Variants in ZNF534 observed in about 807,000 individuals in gnomAD.
The protein encoded by ZNF534 is zinc finger protein 534.
Under a neutral mutation model 13.6 loss-of-function variants are expected in ZNF534, and 19 were observed. That is an observed-to-expected ratio of 1.40 (90% confidence interval 0.97 to 2.05). The LOEUF (loss-of-function observed/expected upper bound fraction) is 2.05. Ranked by LOEUF, ZNF534 falls within the 30% of genes most tolerant of loss-of-function variation. The pLI is 0.00. For synonymous variants in ZNF534, 244 were observed against 273.8 expected, an observed-to-expected ratio of 0.89 and a Z score of 1.07; for missense variants, 782 against 796.3, an observed-to-expected ratio of 0.98 and a Z score of 0.22.
At position 52,437,833 on chromosome 19, in the gene ZNF534, G is replaced by T; in HGVS notation, c.373G>T (p.Ala125Ser). ...LHLTEWQPFQAVRNIYGCKHV... is the reference protein window; with the variant it reads ...LHLTEWQPFQSVRNIYGCKHV... ...TCTGACTGAATGGCAGCCATTTCAA[G>T]CTGTAAGGAATATTTATGGATGTAA... The change falls in exon 5 of 5, where the codon GCT (alanine) becomes TCT (serine). Residue 125 changes from alanine (A) to serine (S), a missense_variant. Physicochemically the swap from Ala to Ser is moderately conservative, Grantham distance 99 (BLOSUM62 1). Transcript: ENST00000433050. The T allele has an allele frequency of 1.2e-6, 2 of 1,613,704 alleles. No individual in the cohort carries two copies. The highest frequency in any genetic ancestry group is 2.2e-5 in the East Asian group (1 of 44,856).
At chr19:52,431,053 A>T (rs1271792025) in intron 1 of ZNF534, among the ~76,000 whole-genome samples, 1 of 151,886 alleles carries the variant, frequency 6.6e-6, no homozygotes, top group African/African-American at 2.4e-5. Flanking sequence ...GGGTTTCATT[A>T]TGTTGGCCAG....
chr19:52,439,542 G>C lies in ZNF534; in HGVS notation c.*96G>C, dbSNP rs944945054. 7.1e-6 allele frequency: 8 copies of C among 1,129,090 alleles called. No homozygotes were observed. The highest frequency in any genetic ancestry group is 8.6e-6 in the Non-Finnish European group (7 of 818,020). 69.9% of individuals were successfully genotyped at this position (1,129,090 alleles called of 1,614,324 possible). A position where few individuals can be genotyped will look rare whatever the true frequency, so the allele number is the denominator to read the frequency against. On this transcript the variant is annotated 3_prime_UTR_variant, in exon 5 of 5. Coordinates refer to ENST00000433050, the MANE Select transcript of ZNF534 (RefSeq NM_001143938.3). ...GTGGATCATGAGGTCAGGAGATTGA[G>C]ACCATCCTGGCTAACACGGTGAAAC...
Position 52,438,544 on chromosome 19 carries a change from G to A in ZNF534, c.1084G>A (p.Gly362Arg), listed in dbSNP as rs1265418214. Residue 362 changes from glycine to arginine, a missense_variant, in exon 5 of 5, where the codon GGG becomes AGG. Around this residue, in one of 5 missense-constraint regions of ZNF534, gnomAD observed 591 missense variants for 574.0 expected, o/e 1.03. Transcript: ENST00000433050. ...ATACAAATGTAATGAATGTGGCAAGGGGTTTAGTCGAATTGCATTCCTTGC... is the reference window on the plus strand; with the variant it reads ...ATACAAATGTAATGAATGTGGCAAGAGGTTTAGTCGAATTGCATTCCTTGC... ...RPYKCNECGK[G>R]FSRIAFLARH... 1.3e-6 allele frequency: 2 copies of A among 1,581,098 alleles called. No homozygotes were observed. The highest frequency in any genetic ancestry group is 1.9e-5 in the Admixed American group (1 of 53,944).
At chr19:52,435,325 C>T in intron 4 of ZNF534, 116 bp downstream of exon 4, 1 of 1,212,066 alleles carries the variant, frequency 8.3e-7, no homozygotes, top group Non-Finnish European at 1.1e-6. Context: ...CAGCCTTAAA[C>T]TCCTGGACTT....
downstream of ZNF534, among the ~76,000 whole-genome samples, chr19:52,442,608 A>G (rs77512583): frequency 6.6e-6 from 1 of 152,210 alleles, no homozygotes; most frequent in Admixed American, 6.5e-5. Context: ...TAGGGTCCCC[A>G]TGACTGAGCT....
intron 4 of ZNF534, among the ~76,000 whole-genome samples, chr19:52,450,672 T>TTTTTTTTTG (rs2059210266): frequency 5.5e-5 from 1 of 18,246 alleles, no homozygotes; most frequent in Non-Finnish European, 1.3e-4. Flanking sequence ...TTTTAGGAGT[T>TTTTTTTTTG]TTTTTTTTTT....
At position 52,440,208 on chromosome 19, in the gene ZNF534, G is replaced by T. The variant is rs1185759367; in HGVS notation, c.*762G>T. Among the ~76,000 whole-genome samples the T allele has an allele frequency of 2.6e-5, 4 of 152,128 alleles. No homozygotes were observed. The highest frequency in any genetic ancestry group is 4.4e-5 in the Non-Finnish European group (3 of 68,036). ...ATAGAAATATAAAGAATACAAGAAG[G>T]TCTTCAGGCACATGTTTTCCCTAAC... On this transcript the variant is annotated 3_prime_UTR_variant, in exon 5 of 5. Coordinates refer to ENST00000433050, the MANE Select transcript of ZNF534 (RefSeq NM_001143938.3).
rs1286134073 is a variant in ZNF534 at position 52,435,085 on chromosome 19, C to T, written c.147C>T (p.Ile49=). 1 of 1,611,532 alleles carries T rather than the reference C, an allele frequency of 6.2e-7. No individual in the cohort carries two copies. The highest frequency in any genetic ancestry group is 2.2e-5 in the East Asian group (1 of 44,852). ...ENYRNLVSLG[I]CLPDLSVTSM... ...ATTCTTTCTTTTTGTAAGTAGGAAT[C>T]TGTCTTCCTGACCTGAGTGTTACCT... Residue 49 remains isoleucine, a synonymous_variant, in exon 4 of 5, where the codon ATC becomes ATT. Transcript: ENST00000433050.
chr19:52,451,723 T>C, exon 5 of ZNF534: 1 of 682,846 alleles, frequency 1.5e-6, no homozygotes, highest in East Asian at 2.6e-5. Flanking sequence ...TGCAAAACAC[T>C]TTGTTGATGT....
chr19:52,439,417 T>G lies in ZNF534; in HGVS notation c.1957T>G (p.Cys653Gly), dbSNP rs772965056. Residue 653 changes from cysteine to glycine, a missense_variant, in exon 5 of 5, where the codon TGC (cysteine) becomes GGC (glycine). This residue lies in a region of ZNF534 where 60 missense variants were observed against 59.9 expected (regional missense o/e 1.00). Coordinates refer to ENST00000433050, the MANE Select transcript of ZNF534 (RefSeq NM_001143938.3). ...TAAAAATTCCATCCTAGTACAACAT[T>G]GCAGTATTCATACCAGAGAGAAGCC... is the stretch of plus-strand genomic sequence containing the variant. ...FSKNSILVQH[C>G]SIHTREKP The G allele has an allele frequency of 2.7e-4, 412 of 1,541,404 alleles. No individual in the cohort carries two copies. Among genetic ancestry groups the G allele is most frequent in the Non-Finnish European group, 3.3e-4 (380 of 1,141,472 alleles).
intron 4 of ZNF534, chr19:52,451,112 A>G (rs2059212956): frequency 3.4e-6 from 2 of 586,398 alleles, no homozygotes; most frequent in East Asian, 5.7e-5. Flanking sequence ...TCCCACCCAT[A>G]AAGATGGGTA....
chr19:52,448,989 ACTT>A (rs1175706811), intron 4 of ZNF534, among the ~76,000 whole-genome samples: 13 of 152,156 alleles, frequency 8.5e-5, no homozygotes, highest in African/African-American at 3.1e-4. Context: ...CCATTAACCT[ACTT>A]CTTTTCATGC....
At chr19:52,437,446 G>A (rs1044033960) in intron 4 of ZNF534, among the ~76,000 whole-genome samples, 4 of 152,010 alleles carry the variant, frequency 2.6e-5, no homozygotes, top group Admixed American at 6.6e-5. Flanking sequence ...GTGAAACCCC[G>A]TCTCTACTAA....
Position 52,439,119 on chromosome 19 carries a change from T to G in ZNF534, c.1659T>G (p.Asn553Lys). ...VHTGEKPYSC[N>K]ECGKVFSRNS... ...CTGGAGAAAAGCCTTACAGTTGTAA[T>G]GAATGTGGCAAGGTCTTCAGTCGGA... The change falls in exon 5 of 5, where the codon AAT becomes AAG. Residue 553 changes from asparagine (N) to lysine (K), a missense_variant. Physicochemically the swap from Asn to Lys is moderately conservative, Grantham distance 94. Around this residue, in one of 5 missense-constraint regions of ZNF534, gnomAD observed 591 missense variants for 574.0 expected, o/e 1.03. Transcript: ENST00000433050. The G allele has an allele frequency of 6.3e-7, 1 of 1,595,602 alleles. No individual in the cohort carries two copies. Among genetic ancestry groups the G allele is most frequent in the Non-Finnish European group, 8.5e-7 (1 of 1,170,616 alleles).
chr19:52,445,665 G>A (rs2059191985), downstream of ZNF534, among the ~76,000 whole-genome samples: 1 of 152,204 alleles, frequency 6.6e-6, no homozygotes, highest in African/African-American at 2.4e-5. Flanking sequence ...TCCTGCGGGA[G>A]CAAGAGCAAC....
downstream of ZNF534, among the ~76,000 whole-genome samples, chr19:52,442,926 CTT>C (rs2059181568): frequency 1.3e-5 from 2 of 152,176 alleles, no homozygotes; most frequent in African/African-American, 2.4e-5. Flanking sequence ...ACTGCCCACT[CTT>C]TTCTTGACAA....
intron 3 of ZNF534, among the ~76,000 whole-genome samples, chr19:52,434,672 A>T (rs1039977873): frequency 6.7e-6 from 1 of 149,804 alleles, no homozygotes; most frequent in African/African-American, 2.5e-5. Context: ...CAGGGGCTGC[A>T]GTGAGCTGAG....
chr19:52,449,376 C>CTT (rs397818170), intron 4 of ZNF534, among the ~76,000 whole-genome samples: 1 of 151,294 alleles, frequency 6.6e-6, no homozygotes, highest in Non-Finnish European at 1.5e-5. Context: ...CTCTCTCTCT[C>CTT]TTTCTCTCTT....
chr19:52,431,388 A>C lies in ZNF534; in HGVS notation c.-67-20A>C. 1.3e-6 allele frequency: 2 copies of C among 1,579,298 alleles called. No individual in the cohort carries two copies. Among genetic ancestry groups the C allele is most frequent in the Non-Finnish European group, 8.7e-7 (1 of 1,150,870 alleles). On this transcript the variant is annotated intron_variant, in intron 1 of 4. Transcript: ENST00000433050. The stretch of plus-strand genomic sequence containing the variant: ...GGTGTGTTGATTCTAAGCCCTAAAC[A>C]GCATTATTTTTGATACTAGGATTCA...
Sources: allele counts gnomAD v4.1 joint callset (sites outside exome capture counted in the v4.1 genomes callset), GRCh38; gene constraint gnomAD v4.1.1; regional missense constraint gnomAD v4.1.1; transcripts MANE v1.5; gene names NCBI Gene and HGNC (gene_info 2026-07-23, HGNC 2026-07-21).